CENPP: variants seen among roughly 807,000 people sequenced by gnomAD.
CENPP encodes the protein centromere protein P.
A neutral mutation model predicts 35.6 loss-of-function variants in CENPP; 24 were observed. The observed-to-expected ratio is 0.67, with a 90% confidence interval of 0.49 to 0.95. The LOEUF (loss-of-function observed/expected upper bound fraction) is 0.95, where lower values mean the gene tolerates loss of function less well. CENPP is among the 40% of genes least tolerant of loss of function. CENPP has a pLI of 0.00. For missense variants in CENPP, 332 were observed against 345.3 expected (o/e 0.96, Z 0.31); for synonymous variants, 120 against 125.5 (o/e 0.96, Z 0.29).
intron 2 of CENPP, among the ~76,000 whole-genome samples, chr9:92,334,500 G>A (rs536063040): frequency 6.6e-6 from 1 of 152,114 alleles, no homozygotes; most frequent in Admixed American, 6.5e-5. Context: ...ATGTAGATGG[G>A]CTTGATGTAT....
In CENPP at chr9:92,611,310, G is replaced by C. The variant is rs749869503; in HGVS notation, c.565-4G>C. ...CTGTCTACCCGTTTCTTCTCCCCAT[G>C]CAGGAAAAGTACCCAGATGCCGTGT... On this transcript the variant is annotated splice_polypyrimidine_tract_variant and splice_region_variant and intron_variant, in intron 5 of 7. Transcript: ENST00000375587. The C allele has an allele frequency of 1.2e-6, 2 of 1,612,860 alleles. No individual in the cohort carries two copies. The highest frequency in any genetic ancestry group is 1.7e-6 in the Non-Finnish European group (2 of 1,179,352).
Position 92,495,355 on chromosome 9 carries a change from A to G in CENPP, c.564+115496A>G, listed in dbSNP as rs555674583. Reference sequence around the variant, plus strand: ...TTAATATATGATTTTGGTAGGGCCAATACATAGTAAAGACATAGCTTTATT... The same window carrying G: ...TTAATATATGATTTTGGTAGGGCCAGTACATAGTAAAGACATAGCTTTATT... On this transcript the variant is annotated intron_variant, in intron 5 of 7. Transcript: ENST00000375587. 130 of 964,898 alleles carry G rather than the reference A, an allele frequency of 1.3e-4. No individual in the cohort carries two copies. The South Asian group carries it at 5.2e-3, about 39-fold the overall frequency. The allele number at this position is 964,898 out of a possible 1,614,324, so 59.8% of individuals were successfully genotyped here. A position where few individuals can be genotyped will look rare whatever the true frequency, so the allele number is the denominator to read the frequency against.
intron 5 of CENPP, chr9:92,517,677 A>C (rs750191164): frequency 9.3e-6 from 15 of 1,613,958 alleles, no homozygotes; most frequent in Non-Finnish European, 1.3e-5. Flanking sequence ...GCTTAGCTAA[A>C]TCTCTGTACC....
At chr9:92,610,054 T>A (rs1272203724) in intron 5 of CENPP, among the ~76,000 whole-genome samples, 2 of 151,100 alleles carry the variant, frequency 1.3e-5, no homozygotes, top group Non-Finnish European at 2.9e-5. Flanking sequence ...AACACAAGTG[T>A]TTGTTTGTTT....
chr9:92,416,780 T>A, intron 5 of CENPP: 1 of 1,613,926 alleles, frequency 6.2e-7, no homozygotes, highest in Non-Finnish European at 8.5e-7. Context: ...TCTTAGAGTA[T>A]GAAGTTTTGG....
chr9:92,346,850 AG>A (rs1332966224), intron 4 of CENPP, among the ~76,000 whole-genome samples: 2 of 152,214 alleles, frequency 1.3e-5, no homozygotes, highest in Non-Finnish European at 2.9e-5. Flanking sequence ...GGTCATTCAC[AG>A]GGGATAACTC....
intron 5 of CENPP, among the ~76,000 whole-genome samples, chr9:92,541,953 C>G (rs12350198): frequency 6.6e-6 from 1 of 151,990 alleles, no homozygotes; most frequent in African/African-American, 2.4e-5. Context: ...GCCGCCGCAC[C>G]CAGCTAATTT....
At chr9:92,423,140 C>T (rs1476416457) in intron 5 of CENPP, among the ~76,000 whole-genome samples, 1 of 152,172 alleles carries the variant, frequency 6.6e-6, no homozygotes, top group Non-Finnish European at 1.5e-5. Context: ...TTCATGAGAG[C>T]TTGACTGTTC....
chr9:92,379,889 T>C (rs1170743237), intron 5 of CENPP, 30 bp downstream of exon 5: 1 of 1,363,760 alleles, frequency 7.3e-7, no homozygotes, highest in Non-Finnish European at 1.0e-6. Context: ...AATTTAAACA[T>C]ATATGGAAAA....
At chr9:92,337,717 C>G in intron 3 of CENPP, 88 bp downstream of exon 3, 1 of 869,346 alleles carries the variant, frequency 1.2e-6, no homozygotes, top group Non-Finnish European at 1.9e-6. Context: ...AGTGATGGAG[C>G]TGAAGAGGAG....
intron 5 of CENPP, chr9:92,460,521 A>G (rs1304344942): frequency 2.5e-6 from 4 of 1,606,750 alleles, no homozygotes; most frequent in Non-Finnish European, 3.4e-6. Context: ...CCACTGTTGA[A>G]ATTTTATTAT....
At chr9:92,604,482 TTTC>T (rs756101579) in intron 5 of CENPP, among the ~76,000 whole-genome samples, 13 of 152,242 alleles carry the variant, frequency 8.5e-5, no homozygotes, top group East Asian at 5.8e-4. Flanking sequence ...CCTTTTTCTT[TTTC>T]TTCTTCTTTA....
At chr9:92,496,242 C>G in intron 5 of CENPP, 1 of 1,503,350 alleles carries the variant, frequency 6.7e-7, no homozygotes, top group Non-Finnish European at 8.8e-7. Context: ...GATTATGTCT[C>G]TCTTATTAAT....
At chr9:92,358,910 T>C (rs1186665407) in intron 4 of CENPP, among the ~76,000 whole-genome samples, 4 of 151,748 alleles carry the variant, frequency 2.6e-5, no homozygotes, top group Non-Finnish European at 5.9e-5. Flanking sequence ...TTTTTTCATT[T>C]CACGAGGCCA....
chr9:92,444,352 G>GCAAA (rs1844497453), intron 5 of CENPP, among the ~76,000 whole-genome samples: 1 of 151,424 alleles, frequency 6.6e-6, no homozygotes, highest in Non-Finnish European at 1.5e-5. Context: ...TTAAATTGGG[G>GCAAA]TTTTTAAGTA....
Position 92,618,665 on chromosome 9 carries a change from GAAC to G in CENPP, c.*5520_*5522del. ...GATAACAGGAGTTTTCAACTAAATA[GAAC>G]AACCTTTTTTCTACTTCAGTTAGCC... On this transcript the variant is annotated 3_prime_UTR_variant, in exon 8 of 8. Transcript: ENST00000375587. The G allele has an allele frequency of 2.4e-6, 1 of 423,262 alleles. No individual in the cohort carries two copies. The highest frequency in any genetic ancestry group is 1.7e-5 in the South Asian group (1 of 59,336). 26.2% of individuals were successfully genotyped at this position (423,262 alleles called of 1,614,324 possible).
intron 5 of CENPP, among the ~76,000 whole-genome samples, chr9:92,609,214 G>A (rs955832082): frequency 1.3e-4 from 20 of 152,242 alleles, no homozygotes; most frequent in African/African-American, 4.6e-4. Flanking sequence ...AGGTGCAGCT[G>A]GTGCTGCGAT....
At chr9:92,465,874 C>T (rs1388309173) in intron 5 of CENPP, among the ~76,000 whole-genome samples, 2 of 151,148 alleles carry the variant, frequency 1.3e-5, no homozygotes, top group African/African-American at 4.9e-5. Context: ...ATTCTGTCAC[C>T]CAGGCTGGAG....
intron 5 of CENPP, chr9:92,474,720 T>C (rs1307066318): frequency 6.2e-7 from 1 of 1,611,900 alleles, no homozygotes; most frequent in Non-Finnish European, 8.5e-7. Flanking sequence ...CTTGGCTCTC[T>C]TGTTGGAAAA....
Sources: allele counts gnomAD v4.1 joint callset (sites outside exome capture counted in the v4.1 genomes callset), GRCh38; gene constraint gnomAD v4.1.1; transcripts MANE v1.5; gene names NCBI Gene and HGNC (gene_info 2026-07-23, HGNC 2026-07-21).